Variants in NAV1 observed in about 807,000 individuals in gnomAD.
NAV1 encodes the protein pore membrane and/or filament interacting like protein 3.
NAV1 carries 18 observed loss-of-function variants against 175.2 expected under a neutral mutation model. The observed-to-expected ratio is 0.10, with a 90% confidence interval of 0.07 to 0.15. NAV1 has a LOEUF of 0.15. NAV1 is among the 10% of genes least tolerant of loss of function. NAV1 has a pLI of 1.00. For synonymous variants in NAV1, 897 were observed against 978.7 expected (o/e 0.92, Z 1.56); for missense variants, 1,731 against 2,436.6 (o/e 0.71, Z 6.10).
chr1:201,690,951 A>G (rs1242026907), intron 1 of NAV1, among the ~76,000 whole-genome samples: 1 of 152,230 alleles, frequency 6.6e-6, no homozygotes, highest in African/African-American at 2.4e-5. Context: ...GACCCTCTGC[A>G]TGAATAACTC....
At chr1:201,785,727 T>C (rs1676693375) in intron 8 of NAV1, among the ~76,000 whole-genome samples, 1 of 151,166 alleles carries the variant, frequency 6.6e-6, no homozygotes, top group Admixed American at 6.6e-5. Flanking sequence ...GGGCAGGACC[T>C]ACCTGGTCAT....
At chr1:201,630,278 C>T (rs1258709660) in intron 2 of NAV1, among the ~76,000 whole-genome samples, 1 of 152,204 alleles carries the variant, frequency 6.6e-6, no homozygotes, top group African/African-American at 2.4e-5. Flanking sequence ...CTGCACACTG[C>T]AGGGAACCAG....
At chr1:201,715,165 C>CT (rs34382311) in intron 2 of NAV1, among the ~76,000 whole-genome samples, 19,654 of 133,912 alleles carry the variant, frequency 0.15, 1,628 homozygotes, top group Middle Eastern at 0.22. Flanking sequence ...TTTTATGGCT[C>CT]TTTTTTTTTT....
At chr1:201,784,430 T>C (rs1676555170) in intron 7 of NAV1, among the ~76,000 whole-genome samples, 1 of 152,214 alleles carries the variant, frequency 6.6e-6, no homozygotes, top group African/African-American at 2.4e-5. Context: ...AGTGCTGGGA[T>C]TACAGGCATG....
intron 7 of NAV1, among the ~76,000 whole-genome samples, chr1:201,784,569 A>ATT (rs35341000): frequency 0.021 from 2,857 of 136,820 alleles, 125 homozygotes; most frequent in African/African-American, 0.071. Context: ...AATACGATCT[A>ATT]TTTTTTTTTT....
rs140198857 is a variant in NAV1 at position 201,546,829 on chromosome 1, G to A, written c.-144+7487G>A. Among the ~76,000 whole-genome samples, 747 of 150,914 alleles carry A rather than the reference G, an allele frequency of 4.9e-3. 5 individuals carry two copies. The highest frequency in any genetic ancestry group is 0.017 in the African/African-American group (711 of 41,082). On this transcript the variant is annotated intron_variant, in intron 1 of 33. Transcript: ENST00000685211. ...TGAGGCAGGAGAATCACTTGAACCC[G>A]GGAAGCAGAAGTTGCAGTGAGCTGA...
chr1:201,642,061 TTC>T (rs1392547635), intron 2 of NAV1, among the ~76,000 whole-genome samples: 1 of 150,172 alleles, frequency 6.7e-6, no homozygotes, highest in East Asian at 2.0e-4. Context: ...TCCCTTTTCT[TTC>T]TTTTTTTCCT....
intron 3 of NAV1, among the ~76,000 whole-genome samples, chr1:201,752,255 C>T (rs1674163555): frequency 6.6e-6 from 1 of 152,190 alleles, no homozygotes; most frequent in East Asian, 1.9e-4. Context: ...CTGATCCCCC[C>T]CATGGTGAGG....
chr1:201,747,707 T>G, intron 3 of NAV1, among the ~76,000 whole-genome samples: 1 of 152,258 alleles, frequency 6.6e-6, no homozygotes. Context: ...GTTTACATTA[T>G]GCTACACATT....
At chr1:201,644,115 T>TG (rs1668897228), upstream of NAV1, among the ~76,000 whole-genome samples, 1 of 152,156 alleles carries the variant, frequency 6.6e-6, no homozygotes, top group Admixed American at 6.5e-5. Flanking sequence ...TTTAGAAACT[T>TG]GGTTACTGAC....
At chr1:201,637,762 C>T (rs544949151) in intron 2 of NAV1, among the ~76,000 whole-genome samples, 27 of 152,314 alleles carry the variant, frequency 1.8e-4, no homozygotes, top group African/African-American at 5.8e-4. Context: ...CCCTCTCCTT[C>T]CTTTGCCTGC....
intron 3 of NAV1, among the ~76,000 whole-genome samples, chr1:201,773,009 G>A (rs1019856852): frequency 6.6e-6 from 1 of 150,520 alleles, no homozygotes; most frequent in Non-Finnish European, 1.5e-5. Context: ...CTCCAGCCTG[G>A]GCGACAGAGC....
chr1:201,588,843 A>T (rs570958398), intron 2 of NAV1, among the ~76,000 whole-genome samples, 194 bp downstream of exon 2: 2 of 151,854 alleles, frequency 1.3e-5, no homozygotes, highest in Non-Finnish European at 2.9e-5. Context: ...AATTTAAAAG[A>T]TTGGATTTTT....
Position 201,670,313 on chromosome 1 carries a change from C to T in NAV1, c.757+20888C>T, listed in dbSNP as rs545722703. ...GGAGAATGGCGTGAACCTGGGAGGC[C>T]GAGTTTGCAGTGAACCGAGATCATG... On this transcript the variant is annotated intron_variant, in intron 1 of 29. Transcript: ENST00000367296. Among the ~76,000 whole-genome samples, 4 of 133,900 alleles carry T rather than the reference C, an allele frequency of 3.0e-5. No homozygotes were observed. In the East Asian group the frequency reaches 6.6e-4, roughly 22 times the overall value. The allele number at this position is 133,900 out of a possible 152,430, so 87.8% of individuals were successfully genotyped here. A position where few individuals can be genotyped will look rare whatever the true frequency, so the allele number is the denominator to read the frequency against.
At chr1:201,623,591 C>T (rs762481975) in exon 1 of NAV1, 4 of 986,684 alleles carry the variant, frequency 4.1e-6, no homozygotes, top group Non-Finnish European at 4.8e-6. Context: ...GCCACGGTGG[C>T]CCCCTTCCAG....
rs537548941 is a variant in NAV1 at position 201,694,543 on chromosome 1, C to T, written c.758-18274C>T. ...GGAGAATGCAGCCAGGACCACCAGCCCTGGCTGCAGAGGGAGGAGGGTAAG... is the reference window on the plus strand; with the variant it reads ...GGAGAATGCAGCCAGGACCACCAGCTCTGGCTGCAGAGGGAGGAGGGTAAG... On this transcript the variant is annotated intron_variant, in intron 1 of 29. Transcript: ENST00000367296. The surrounding 1 kb of genome is among the most constrained non-coding windows in gnomAD (Gnocchi z 4.2). Among the ~76,000 whole-genome samples, 4 of 152,210 alleles carry T rather than the reference C, an allele frequency of 2.6e-5. No individual in the cohort carries two copies. The highest frequency in any genetic ancestry group is 9.6e-5 in the African/African-American group (4 of 41,538).
At chr1:201,816,401 AC>A (rs1356167724) in intron 28 of NAV1, among the ~76,000 whole-genome samples, 2 of 152,218 alleles carry the variant, frequency 1.3e-5, no homozygotes, top group African/African-American at 2.4e-5. Context: ...GGTAATACAT[AC>A]GTTAATTAGC....
intron 2 of NAV1, among the ~76,000 whole-genome samples, chr1:201,593,167 G>A (rs1175015296): frequency 6.6e-6 from 1 of 152,180 alleles, no homozygotes; most frequent in South Asian, 2.1e-4. Flanking sequence ...GGGAATAGGG[G>A]TATTCAATCA....
chr1:201,794,628 AGTATT>A, intron 15 of NAV1, 51 bp downstream of exon 19: 1 of 1,504,828 alleles, frequency 6.6e-7, no homozygotes, highest in Non-Finnish European at 9.2e-7. Flanking sequence ...GGAAAGTAAG[AGTATT>A]ACAGATTTTT....
Sources: allele counts gnomAD v4.1 joint callset (sites outside exome capture counted in the v4.1 genomes callset), GRCh38; gene constraint gnomAD v4.1.1; non-coding constraint Gnocchi (gnomAD v3.1); transcripts MANE v1.5; gene names NCBI Gene and HGNC (gene_info 2026-07-23, HGNC 2026-07-21).